Variants in ZNF385B observed in about 807,000 individuals in gnomAD.
ZNF385B encodes the protein zinc finger protein 533.
Under a neutral mutation model 39.2 loss-of-function variants are expected in ZNF385B, and 23 were observed. That is an observed-to-expected ratio of 0.59 (90% CI 0.42 to 0.83). The LOEUF is 0.83. ZNF385B is among the 40% of genes least tolerant of loss of function. The probability of loss-of-function intolerance (pLI) is 0.00; values close to 1 mark genes in which losing one functional copy is unlikely to be tolerated. For synonymous variants in ZNF385B, 205 were observed against 222.6 expected, an observed-to-expected ratio of 0.92 and a Z score of 0.70; for missense variants, 552 against 598.9, an observed-to-expected ratio of 0.92 and a Z score of 0.82.
chr2:179,850,430 T>C (rs1709021170), intron 1 of ZNF385B, among the ~76,000 whole-genome samples: 2 of 152,208 alleles, frequency 1.3e-5, no homozygotes. Context: ...GAAAGTTCTT[T>C]CTCATATTGA....
At chr2:179,683,221 G>A (rs7585817) in intron 3 of ZNF385B, among the ~76,000 whole-genome samples, 1 of 151,432 alleles carries the variant, frequency 6.6e-6, no homozygotes, top group Non-Finnish European at 1.5e-5. Flanking sequence ...AACCCTGTCT[G>A]TACTAAAAAT....
intron 3 of ZNF385B, among the ~76,000 whole-genome samples, chr2:179,677,271 A>C (rs1350314741): frequency 2.0e-5 from 3 of 152,216 alleles, no homozygotes; most frequent in African/African-American, 7.2e-5. Context: ...AGGAAGTCTA[A>C]AACCATCACA....
chr2:179,855,712 A>G (rs1684539330), intron 1 of ZNF385B, among the ~76,000 whole-genome samples: 1 of 152,200 alleles, frequency 6.6e-6, no homozygotes, highest in Admixed American at 6.5e-5. Flanking sequence ...TCACTTGGCT[A>G]AGGCAAGATG....
At chr2:179,605,051 C>T (rs979901) in intron 3 of ZNF385B, among the ~76,000 whole-genome samples, 12 of 151,760 alleles carry the variant, frequency 7.9e-5, no homozygotes, top group Non-Finnish European at 1.2e-4. Context: ...AATATAATAA[C>T]GTCTGTCTCC....
At chr2:179,546,256 C>T (rs1213305118) in intron 3 of ZNF385B, among the ~76,000 whole-genome samples, 2 of 151,934 alleles carry the variant, frequency 1.3e-5, no homozygotes, top group Non-Finnish European at 2.9e-5. Flanking sequence ...ACGCTGGTCT[C>T]GAACTCCTAG....
At chr2:179,695,135 A>T (rs947620446) in intron 3 of ZNF385B, among the ~76,000 whole-genome samples, 5 of 151,616 alleles carry the variant, frequency 3.3e-5, no homozygotes, top group Non-Finnish European at 5.9e-5. Context: ...TTGAGTTGGT[A>T]AACCACATTA....
intron 6 of ZNF385B, among the ~76,000 whole-genome samples, chr2:179,465,382 C>T (rs936051795): frequency 6.6e-6 from 1 of 152,160 alleles, no homozygotes. Context: ...CTACTTTTCT[C>T]TCAAGATCAA....
intron 3 of ZNF385B, among the ~76,000 whole-genome samples, chr2:179,730,281 T>C (rs557065379): frequency 2.0e-5 from 3 of 152,330 alleles, no homozygotes; most frequent in East Asian, 3.9e-4. Flanking sequence ...TACCACCACC[T>C]GTGAAGAAAT....
chr2:179,635,924 C>A (rs895429649), intron 3 of ZNF385B, among the ~76,000 whole-genome samples: 1 of 151,878 alleles, frequency 6.6e-6, no homozygotes, highest in East Asian at 1.9e-4. Context: ...ATGGTTTGTG[C>A]CTTATCAGAA....
intron 4 of ZNF385B, among the ~76,000 whole-genome samples, chr2:179,524,275 G>A (rs933659954): frequency 7.2e-5 from 11 of 151,834 alleles, no homozygotes; most frequent in Admixed American, 1.3e-4. Context: ...AAAGTCGGCC[G>A]GGCACGGTGG....
At chr2:179,774,392 G>A (rs138275304) in intron 1 of ZNF385B, among the ~76,000 whole-genome samples, 2,530 of 151,572 alleles carry the variant, frequency 0.017, 38 homozygotes, top group South Asian at 0.024. Flanking sequence ...ATGGAGTCTC[G>A]CTCTGTCGCC....
At chr2:179,624,573 A>C (rs1339390333) in intron 3 of ZNF385B, among the ~76,000 whole-genome samples, 2 of 152,252 alleles carry the variant, frequency 1.3e-5, no homozygotes, top group Non-Finnish European at 2.9e-5. Flanking sequence ...GCTGGTGATT[A>C]GCAGTAATCT....
intron 3 of ZNF385B, among the ~76,000 whole-genome samples, chr2:179,749,516 G>C (rs1702557962): frequency 6.6e-6 from 1 of 152,106 alleles, no homozygotes; most frequent in African/African-American, 2.4e-5. Flanking sequence ...GTCTAACCCA[G>C]AACACTGTCC....
At chr2:179,765,528 T>C (rs1041113884) in intron 3 of ZNF385B, among the ~76,000 whole-genome samples, 1 of 152,230 alleles carries the variant, frequency 6.6e-6, no homozygotes, top group African/African-American at 2.4e-5. Flanking sequence ...ATTTAGTCAT[T>C]AGTTCATGCA....
At chr2:179,639,145 C>A (rs1692025052) in intron 3 of ZNF385B, among the ~76,000 whole-genome samples, 1 of 142,060 alleles carries the variant, frequency 7.0e-6, no homozygotes, top group Non-Finnish European at 1.5e-5. Context: ...TCACCTGAGT[C>A]CAGAATGTTA....
chr2:179,835,148 C>T lies in ZNF385B; in HGVS notation c.-155+25953G>A, dbSNP rs966667171. On this transcript the variant is annotated intron_variant, in intron 1 of 9. Coordinates refer to ENST00000410066, the MANE Select transcript of ZNF385B (RefSeq NM_152520.6). The stretch of plus-strand genomic sequence containing the variant: ...GTATTGTTAAATTTCCTGGACATGA[C>T]CGGATACACACTGAAGTATTTAAGG... Among the ~76,000 whole-genome samples, 3 of 152,126 alleles carry T rather than the reference C, an allele frequency of 2.0e-5. No individual in the cohort carries two copies. The East Asian group carries it at 5.8e-4, about 29-fold the overall frequency.
intron 3 of ZNF385B, among the ~76,000 whole-genome samples, chr2:179,553,638 C>A (rs1264432160): frequency 6.7e-6 from 1 of 149,050 alleles, no homozygotes; most frequent in Non-Finnish European, 1.5e-5. Context: ...TCCTGTCCAT[C>A]TGACTTTAAA....
chr2:179,555,329 G>C lies in ZNF385B; in HGVS notation c.299-10360C>G. ...GTGGCTTTCCTTATAGAAAGGATGG[G>C]ATGAGGTGGAGGGTGAGAGGACTAA... On this transcript the variant is annotated intron_variant, in intron 3 of 9. Transcript: ENST00000410066. Among the ~76,000 whole-genome samples the C allele has an allele frequency of 1.3e-5, 2 of 149,404 alleles. 1 individual carries two copies. The highest frequency in any genetic ancestry group is 3.0e-5 in the Non-Finnish European group (2 of 67,610).
intron 3 of ZNF385B, among the ~76,000 whole-genome samples, chr2:179,595,749 A>G (rs1378475012): frequency 1.3e-5 from 2 of 149,896 alleles, no homozygotes; most frequent in Admixed American, 1.3e-4. Flanking sequence ...CCTAAGTGCA[A>G]CCCACCCCCA....
Sources: allele counts gnomAD v4.1 joint callset (sites outside exome capture counted in the v4.1 genomes callset), GRCh38; gene constraint gnomAD v4.1.1; transcripts MANE v1.5; gene names NCBI Gene and HGNC (gene_info 2026-07-23, HGNC 2026-07-21).